Variants in CLNK observed in about 807,000 individuals in gnomAD.
The protein encoded by CLNK is cytokine-dependent hematopoietic cell linker.
CLNK carries 74 observed loss-of-function variants against 68.6 expected under a neutral mutation model. The ratio of observed to expected loss-of-function variants is 1.08; its 90% confidence interval spans 0.89 to 1.31. The LOEUF is 1.31. Ranked by LOEUF, CLNK falls within the 50% of genes most tolerant of loss-of-function variation. CLNK has a pLI of 0.00. For missense variants in CLNK, 553 were observed against 515.3 expected (o/e 1.07, Z -0.71); for synonymous variants, 198 against 172.2 (o/e 1.15, Z -1.17).
At chr4:10,656,386 T>G (rs1190637217) in intron 2 of CLNK, 1 of 150,672 alleles carries the variant, frequency 6.6e-6, no homozygotes, top group Non-Finnish European at 1.5e-5. Flanking sequence ...ACAAGCATTG[T>G]GTGCAGACGA....
chr4:10,492,703 A>G (rs551188552), intron 18 of CLNK, among the ~76,000 whole-genome samples: 61 of 152,240 alleles, frequency 4.0e-4, no homozygotes, highest in Non-Finnish European at 7.9e-4. Context: ...TCCCACCGTC[A>G]TGTGGGATGG....
chr4:10,614,633 G>T (rs557064551), intron 2 of CLNK, among the ~76,000 whole-genome samples: 1 of 152,292 alleles, frequency 6.6e-6, no homozygotes, highest in East Asian at 1.9e-4. Flanking sequence ...CCACTGAACC[G>T]AAATCTGCAT....
At chr4:10,537,670 TCTTTCTTTCTTCCTTC>T (rs1718833586) in intron 11 of CLNK, among the ~76,000 whole-genome samples, 1 of 46,656 alleles carries the variant, frequency 2.1e-5, no homozygotes, top group Non-Finnish European at 4.2e-5. Flanking sequence ...TTTCTTTCTT[TCTTTCTTTCTTCCTTC>T]CTTCCTTCCT....
chr4:10,606,175 ATTTAAT>A (rs1248002758), intron 2 of CLNK, among the ~76,000 whole-genome samples: 1 of 152,228 alleles, frequency 6.6e-6, no homozygotes, highest in East Asian at 1.9e-4. Context: ...TTCTGTAAAC[ATTTAAT>A]TTTAAACTTT....
chr4:10,578,579 C>CTTTTTTTTTTTTTTT (rs5856062), intron 4 of CLNK, among the ~76,000 whole-genome samples: 6 of 44,922 alleles, frequency 1.3e-4, no homozygotes, highest in African/African-American at 3.5e-4. Context: ...CTTACCTTAT[C>CTTTTTTTTTTTTTTT]TTTTTTTTTT....
At chr4:10,712,181 T>C in the CLNK span, among the ~76,000 whole-genome samples, 1 of 152,088 alleles carries the variant, frequency 6.6e-6, no homozygotes, top group Non-Finnish European at 1.5e-5. Flanking sequence ...TTACCCCTCA[T>C]AAAGAGAAAG....
At chr4:10,722,365 C>T in the CLNK span, among the ~76,000 whole-genome samples, 1 of 152,136 alleles carries the variant, frequency 6.6e-6, no homozygotes, top group Non-Finnish European at 1.5e-5. Flanking sequence ...GCTCCAACAT[C>T]CCCTTCCAGC....
intron 3 of CLNK, among the ~76,000 whole-genome samples, chr4:10,595,275 G>C (rs1721344086): frequency 6.6e-6 from 1 of 152,268 alleles, no homozygotes; most frequent in Middle Eastern, 3.4e-3. Flanking sequence ...AAAGCATTAT[G>C]GTGAAGACCG....
rs141631964 is a variant in CLNK, at chr4:10,624,297, G to A, written c.12-26248C>T. ...AACAGTAGATATTCCACAAAGATTAGTGTCCAGTAGTTTTTTGGTTTTTTT... is the reference window on the plus strand; with the variant it reads ...AACAGTAGATATTCCACAAAGATTAATGTCCAGTAGTTTTTTGGTTTTTTT... On this transcript the variant is annotated intron_variant, in intron 2 of 18. Transcript: ENST00000226951. Among the ~76,000 whole-genome samples the A allele has an allele frequency of 2.0e-3, 300 of 152,084 alleles. 1 individual carries two copies. Among genetic ancestry groups the A allele is most frequent in the African/African-American group, 6.9e-3 (286 of 41,410 alleles).
At chr4:10,699,512 A>ATATATATATATATT in the CLNK span, among the ~76,000 whole-genome samples, 15 of 32,732 alleles carry the variant, frequency 4.6e-4, 1 homozygote, top group African/African-American at 1.7e-3. Flanking sequence ...ATATATATAT[A>ATATATATATATATT]TTTTTTTTTT....
At chr4:10,664,514 T>A (rs1243262149) in intron 2 of CLNK, among the ~76,000 whole-genome samples, 1 of 152,176 alleles carries the variant, frequency 6.6e-6, no homozygotes, top group Non-Finnish European at 1.5e-5. Flanking sequence ...GAGTCATGCC[T>A]TGGCGACTGC....
In CLNK at chr4:10,541,170, C is replaced by T. The variant is rs528982522; in HGVS notation, c.492-566G>A. Among the ~76,000 whole-genome samples the T allele has an allele frequency of 5.0e-5, 7 of 140,834 alleles. No homozygotes were observed. In the East Asian group the frequency reaches 8.3e-4, roughly 17 times the overall value. The allele number at this position is 140,834 out of a possible 152,430, so 92.4% of individuals were successfully genotyped here. A position where few individuals can be genotyped will look rare whatever the true frequency, so the allele number is the denominator to read the frequency against. ...CAAATGTTGCAGTGAGCTGAGATTG[C>T]ACCACCTCACTCCAGCCTGGGCGAC... is the stretch of plus-strand genomic sequence containing the variant. On this transcript the variant is annotated intron_variant, in intron 10 of 18. Coordinates refer to ENST00000226951, the MANE Select transcript of CLNK (RefSeq NM_052964.4).
At chr4:10,710,983 G>C in the CLNK span, among the ~76,000 whole-genome samples, 122,520 of 152,202 alleles carry the variant, frequency 0.8, 49,688 homozygotes, top group Admixed American at 0.86. Flanking sequence ...GGTTTGAGGT[G>C]TTTGACCCTG....
the CLNK span, among the ~76,000 whole-genome samples, chr4:10,721,203 A>T: frequency 6.6e-6 from 1 of 151,478 alleles, no homozygotes; most frequent in Non-Finnish European, 1.5e-5. Context: ...GGCTGGAGGG[A>T]ACTGGGTGTG....
chr4:10,585,875 A>T (rs1389916575), intron 3 of CLNK, among the ~76,000 whole-genome samples: 1 of 152,230 alleles, frequency 6.6e-6, no homozygotes, highest in African/African-American at 2.4e-5. Flanking sequence ...AGTATTGATT[A>T]TCTACCTCAG....
chr4:10,527,557 C>A (rs559732871), intron 13 of CLNK, among the ~76,000 whole-genome samples: 2 of 152,326 alleles, frequency 1.3e-5, no homozygotes, highest in Admixed American at 6.5e-5. Flanking sequence ...GAATGGAGAA[C>A]AGTATTTCAC....
the CLNK span, among the ~76,000 whole-genome samples, chr4:10,721,516 G>T: frequency 5.9e-5 from 9 of 151,430 alleles, no homozygotes; most frequent in Non-Finnish European, 1.5e-5. Flanking sequence ...AGAACATATG[G>T]TATGTGTAGG....
At chr4:10,638,104 G>A (rs2108873422) in intron 2 of CLNK, among the ~76,000 whole-genome samples, 1 of 152,296 alleles carries the variant, frequency 6.6e-6, no homozygotes, top group Admixed American at 6.5e-5. Flanking sequence ...GCCCCGAACT[G>A]TACCATGTTT....
At chr4:10,688,409 A>G (rs1360323866), upstream of CLNK, among the ~76,000 whole-genome samples, 4 of 152,160 alleles carry the variant, frequency 2.6e-5, no homozygotes, top group Non-Finnish European at 5.9e-5. Context: ...GAAAAACCCA[A>G]AGAGAACTTC....
Sources: allele counts gnomAD v4.1 joint callset (sites outside exome capture counted in the v4.1 genomes callset), GRCh38; gene constraint gnomAD v4.1.1; transcripts MANE v1.5; gene names NCBI Gene and HGNC (gene_info 2026-07-23, HGNC 2026-07-21).